LRBA: variants seen among roughly 807,000 people sequenced by gnomAD.
LRBA encodes the protein LPS responsive beige-like anchor protein.
Under a neutral mutation model 330.0 loss-of-function variants are expected in LRBA, and 176 were observed. The ratio of observed to expected loss-of-function variants is 0.53; its 90% CI spans 0.47 to 0.60. The LOEUF (loss-of-function observed/expected upper bound fraction) is 0.60. Ranked by LOEUF, LRBA falls within the 20% of genes least tolerant of loss-of-function variation. The pLI, the probability that LRBA is intolerant of heterozygous loss-of-function variation, is 0.00. For missense variants in LRBA, 3,259 were observed against 3,444.8 expected (o/e 0.95, Z 1.35); for synonymous variants, 1,230 against 1,193.0 (o/e 1.03, Z -0.64).
chr4:150,599,727 A>G (rs566044183), intron 37 of LRBA, among the ~76,000 whole-genome samples: 3 of 152,172 alleles, frequency 2.0e-5, no homozygotes, highest in Non-Finnish European at 2.9e-5. Flanking sequence ...CAGGAATTTA[A>G]TTAAAATAAT....
intron 36 of LRBA, among the ~76,000 whole-genome samples, chr4:150,690,512 A>G (rs1784030673): frequency 6.6e-6 from 1 of 152,002 alleles, no homozygotes; most frequent in African/African-American, 2.4e-5. Context: ...AAAAAAAAAA[A>G]AAAAAGGTAA....
In LRBA at chr4:150,618,439, T is replaced by G. The variant is rs1775976295; in HGVS notation, c.5922-19308A>C. ...GAAATGTAAAAATATTCCAAAGGGT[T>G]CATGAGATTCCCTCAACTTTGTTTA... On this transcript the variant is annotated intron_variant, in intron 37 of 56. Transcript: ENST00000651943. Among the ~76,000 whole-genome samples the G allele has an allele frequency of 2.0e-5, 3 of 152,208 alleles. No individual in the cohort carries two copies. In the South Asian group the frequency reaches 6.2e-4, roughly 31 times the overall value.
intron 34 of LRBA, among the ~76,000 whole-genome samples, chr4:150,770,697 A>G (rs1736444447): frequency 6.6e-6 from 1 of 152,062 alleles, no homozygotes; most frequent in African/African-American, 2.4e-5. Flanking sequence ...GTTGGTATCT[A>G]CAACTACCTT....
chr4:150,526,693 C>A (rs12233717), intron 40 of LRBA, among the ~76,000 whole-genome samples: 91,484 of 151,936 alleles, frequency 0.6, 30,999 homozygotes, highest in Non-Finnish European at 0.75. Context: ...ATTTCCCTTG[C>A]GACTTCTTTC....
At chr4:150,744,214 T>C (rs561183134) in intron 35 of LRBA, among the ~76,000 whole-genome samples, 174 of 152,352 alleles carry the variant, frequency 1.1e-3, no homozygotes, top group Non-Finnish European at 2.2e-3. Flanking sequence ...TGTGAAATAC[T>C]GGTTTGGGTT....
At chr4:150,672,428 C>T (rs1477419657) in intron 37 of LRBA, among the ~76,000 whole-genome samples, 2 of 151,452 alleles carry the variant, frequency 1.3e-5, no homozygotes, top group Non-Finnish European at 2.9e-5. Context: ...TACTAAGGTA[C>T]CATAAACTTC....
intron 2 of LRBA, among the ~76,000 whole-genome samples, chr4:150,935,178 G>GA (rs11294903): frequency 2.0e-4 from 28 of 138,714 alleles, no homozygotes; most frequent in African/African-American, 5.4e-4. Context: ...TCCGTCTCAC[G>GA]AAAAAAAAAA....
chr4:150,974,939 C>A (rs147277932), intron 2 of LRBA, among the ~76,000 whole-genome samples: 1 of 152,242 alleles, frequency 6.6e-6, no homozygotes, highest in African/African-American at 2.4e-5. Context: ...ATATAGAAAG[C>A]AGGCCAAAAC....
intron 40 of LRBA, among the ~76,000 whole-genome samples, chr4:150,553,275 C>A (rs1279822958): frequency 6.6e-6 from 1 of 151,752 alleles, no homozygotes; most frequent in African/African-American, 2.4e-5. Context: ...AATGAGAACA[C>A]TTGGACACAG....
chr4:150,514,677 C>T lies in LRBA; in HGVS notation c.6331-23642G>A, dbSNP rs115433621. Reference sequence around the variant, plus strand: ...ACTTGTAACATCAAAGAAAGGCATACGAGGCAGAAAAAGAGACAGGACATA... The same window carrying T: ...ACTTGTAACATCAAAGAAAGGCATATGAGGCAGAAAAAGAGACAGGACATA... On this transcript the variant is annotated intron_variant, in intron 40 of 56. Coordinates refer to ENST00000651943, the MANE Select transcript of LRBA (RefSeq NM_001364905.1). Among the ~76,000 whole-genome samples, 293 of 152,152 alleles carry T rather than the reference C, an allele frequency of 1.9e-3. 1 individual carries two copies. The highest frequency in any genetic ancestry group is 2.5e-3 in the Non-Finnish European group (168 of 68,000).
chr4:150,747,867 G>A (rs1732967267), intron 35 of LRBA, among the ~76,000 whole-genome samples: 1 of 152,056 alleles, frequency 6.6e-6, no homozygotes, highest in East Asian at 1.9e-4. Context: ...ACTAATTCCT[G>A]TGTTTATATC....
chr4:150,569,468 G>T (rs1234580923), intron 40 of LRBA, among the ~76,000 whole-genome samples: 1 of 152,136 alleles, frequency 6.6e-6, no homozygotes, highest in Admixed American at 6.6e-5. Flanking sequence ...TCCCATCAAT[G>T]ATTTGTTCAG....
chr4:150,483,068 C>T (rs147776842), intron 42 of LRBA, among the ~76,000 whole-genome samples: 2 of 152,148 alleles, frequency 1.3e-5, no homozygotes, highest in Admixed American at 1.3e-4. Context: ...TTCAAGGTCA[C>T]AAAGATTTTT....
chr4:150,386,924 T>A (rs113210244), intron 47 of LRBA, among the ~76,000 whole-genome samples: 1 of 152,284 alleles, frequency 6.6e-6, no homozygotes, highest in African/African-American at 2.4e-5. Flanking sequence ...CTCGCCAGCA[T>A]CTGTTGCTTT....
At chr4:150,954,291 G>A (rs1413413316) in intron 2 of LRBA, among the ~76,000 whole-genome samples, 2 of 152,164 alleles carry the variant, frequency 1.3e-5, no homozygotes, top group Non-Finnish European at 2.9e-5. Flanking sequence ...TTGAGAACGG[G>A]CCATGATGAC....
intron 44 of LRBA, among the ~76,000 whole-genome samples, chr4:150,453,076 C>T (rs538745268): frequency 1.1e-4 from 16 of 152,226 alleles, no homozygotes; most frequent in African/African-American, 3.6e-4. Context: ...AGACACTATA[C>T]TAAGGAATTG....
At chr4:150,824,000 G>A (rs1040431360) in intron 30 of LRBA, among the ~76,000 whole-genome samples, 6 of 152,096 alleles carry the variant, frequency 3.9e-5, no homozygotes, top group African/African-American at 1.4e-4. Flanking sequence ...GGATTGCACT[G>A]AATCTGTAGA....
At chr4:150,743,220 T>G (rs1383000239) in intron 35 of LRBA, among the ~76,000 whole-genome samples, 1 of 152,152 alleles carries the variant, frequency 6.6e-6, no homozygotes, top group African/African-American at 2.4e-5. Flanking sequence ...TCCACTTGCT[T>G]TGGCCTTCCA....
chr4:150,896,552 T>C lies in LRBA; in HGVS notation c.2005-96A>G, dbSNP rs940325053. On this transcript the variant is annotated intron_variant, in intron 15 of 56. Transcript: ENST00000651943. ...GATTTGTCAAGTTGGTCAGCTACTA[T>C]AAATATAAAAATATAATGTAATAGA... 9.3e-6 allele frequency: 6 copies of C among 643,412 alleles called. No homozygotes were observed. The African/African-American group carries it at 9.6e-5, about 10-fold the overall frequency. The allele number at this position is 643,412 out of a possible 1,614,324, so 39.9% of individuals were successfully genotyped here.
Sources: allele counts gnomAD v4.1 joint callset (sites outside exome capture counted in the v4.1 genomes callset), GRCh38; gene constraint gnomAD v4.1.1; transcripts MANE v1.5; gene names NCBI Gene and HGNC (gene_info 2026-07-23, HGNC 2026-07-21).